The following AFG2A variants were observed in gnomAD, a reference collection of about 807,000 sequenced individuals.
The protein encoded by AFG2A is AAA ATPase AFG2A, also known as ATPase family gene 2 protein homolog A.
the AFG2A span, among the ~76,000 whole-genome samples, chr4:123,016,424 C>T: frequency 1.8e-4 from 27 of 151,050 alleles, no homozygotes; most frequent in South Asian, 8.4e-4. Flanking sequence ...TGGGCAGAGA[C>T]GCTCCTCACC....
the AFG2A span, among the ~76,000 whole-genome samples, chr4:123,116,037 C>G: frequency 6.6e-6 from 1 of 152,032 alleles, no homozygotes. Flanking sequence ...GTAGCTGGGA[C>G]TACAGGCGGG....
At chr4:123,111,223 G>A in the AFG2A span, among the ~76,000 whole-genome samples, 1 of 152,104 alleles carries the variant, frequency 6.6e-6, no homozygotes, top group Non-Finnish European at 1.5e-5. Context: ...TTATATAGCT[G>A]TGAAAATTGA....
chr4:123,239,096 G>T, the AFG2A span, among the ~76,000 whole-genome samples: 3 of 152,102 alleles, frequency 2.0e-5, no homozygotes, highest in Admixed American at 2.0e-4. Context: ...AGTGATTGAA[G>T]ATCAAATGAA....
At chr4:123,054,586 C>T in the AFG2A span, among the ~76,000 whole-genome samples, 4 of 151,872 alleles carry the variant, frequency 2.6e-5, no homozygotes, top group African/African-American at 9.7e-5. Context: ...GGTGTGGTGG[C>T]GGGCACCTGT....
At chr4:122,961,482 T>C in the AFG2A span, among the ~76,000 whole-genome samples, 1 of 152,146 alleles carries the variant, frequency 6.6e-6, no homozygotes, top group Non-Finnish European at 1.5e-5. Context: ...AGATATGGCT[T>C]GTTTTTGGGT....
At chr4:123,074,447 C>CT in the AFG2A span, among the ~76,000 whole-genome samples, 2,545 of 37,194 alleles carry the variant, frequency 0.068, 88 homozygotes, top group African/African-American at 0.09. Context: ...TTCTTTTTTT[C>CT]TTTTTTTTTT....
chr4:123,226,754 C>T, the AFG2A span, among the ~76,000 whole-genome samples: 5 of 151,982 alleles, frequency 3.3e-5, no homozygotes, highest in East Asian at 9.7e-4. Context: ...TCCCTCTCTT[C>T]CTGTTGATTG....
the AFG2A span, among the ~76,000 whole-genome samples, chr4:123,304,155 G>GGC: frequency 6.6e-6 from 1 of 152,046 alleles, no homozygotes; most frequent in Non-Finnish European, 1.5e-5. Flanking sequence ...GGCAGTTTGG[G>GGC]GCACCCCTTG....
the AFG2A span, chr4:123,056,309 A>AT: frequency 7.3e-7 from 1 of 1,372,014 alleles, no homozygotes; most frequent in Non-Finnish European, 9.9e-7. Flanking sequence ...TTTTGTGTAT[A>AT]TTTTTTCTAC....
the AFG2A span, among the ~76,000 whole-genome samples, chr4:123,068,647 C>T: frequency 6.6e-6 from 1 of 152,124 alleles, no homozygotes; most frequent in Non-Finnish European, 1.5e-5. Flanking sequence ...TACCTGCCAA[C>T]AAGAATGAAA....
At chr4:123,087,740 C>T in the AFG2A span, among the ~76,000 whole-genome samples, 9 of 152,070 alleles carry the variant, frequency 5.9e-5, no homozygotes, top group African/African-American at 2.2e-4. Flanking sequence ...TGTGGGTTTC[C>T]GCTCCAGAAA....
the AFG2A span, among the ~76,000 whole-genome samples, chr4:123,056,849 T>G: frequency 6.6e-6 from 1 of 152,218 alleles, no homozygotes; most frequent in Non-Finnish European, 1.5e-5. Flanking sequence ...GTTTATTATC[T>G]CCATTTTATA....
chr4:123,159,208 TTTA>T, the AFG2A span, among the ~76,000 whole-genome samples: 2 of 152,198 alleles, frequency 1.3e-5, no homozygotes, highest in East Asian at 3.8e-4. Context: ...TTATAGATAA[TTTA>T]TTATTTCGTT....
the AFG2A span, among the ~76,000 whole-genome samples, chr4:123,174,569 C>T: frequency 2.0e-5 from 3 of 152,076 alleles, no homozygotes; most frequent in East Asian, 5.8e-4. Context: ...TAATATGGAA[C>T]TGGCATAGAA....
At chr4:123,010,040 A>G in the AFG2A span, among the ~76,000 whole-genome samples, 1 of 152,174 alleles carries the variant, frequency 6.6e-6, no homozygotes, top group African/African-American at 2.4e-5. Context: ...AGAAGGGAGA[A>G]CAGTAATTGG....
the AFG2A span, among the ~76,000 whole-genome samples, chr4:123,025,687 G>A: frequency 6.6e-6 from 1 of 151,966 alleles, no homozygotes; most frequent in Non-Finnish European, 1.5e-5. Flanking sequence ...TTTTTTGTCA[G>A]GTTCAATTTC....
the AFG2A span, among the ~76,000 whole-genome samples, chr4:122,955,271 T>C: frequency 0.041 from 6,246 of 152,176 alleles, 414 homozygotes; most frequent in African/African-American, 0.14. Flanking sequence ...GTGGCAACCC[T>C]CCTTTCTTAA....
At chr4:122,971,244 A>C in the AFG2A span, among the ~76,000 whole-genome samples, 2 of 152,128 alleles carry the variant, frequency 1.3e-5, no homozygotes, top group Admixed American at 1.3e-4. Context: ...CCATCTCTAC[A>C]GAAAATTTAC....
chr4:123,189,648 A>T, the AFG2A span, among the ~76,000 whole-genome samples: 1 of 152,000 alleles, frequency 6.6e-6, no homozygotes. Context: ...GTTTCACTCC[A>T]GTTCCCTGAC....
Sources: gnomAD v4.1 joint callset for allele counts (sites outside exome capture counted in the v4.1 genomes callset) on GRCh38, gnomAD v4.1.1 for gene constraint, MANE v1.5 for transcripts, NCBI Gene and HGNC (gene_info 2026-07-23, HGNC 2026-07-21) for gene names.